ZNF773: variants seen among roughly 807,000 people sequenced by gnomAD.
The protein encoded by ZNF773 is zinc finger protein 419B.
Under a neutral mutation model 12.8 loss-of-function variants are expected in ZNF773, and 11 were observed. The observed-to-expected ratio is 0.86, with a 90% CI of 0.54 to 1.42. The LOEUF (loss-of-function observed/expected upper bound fraction) is 1.42, where lower values mean the gene tolerates loss of function less well. ZNF773 is among the 40% of genes most tolerant of loss of function. ZNF773 has a pLI of 0.00. For synonymous variants in ZNF773, 175 were observed against 178.4 expected (o/e 0.98, Z 0.15); for missense variants, 518 against 527.2 (o/e 0.98, Z 0.17).
chr19:57,503,467 G>A (rs1464137160), intron 1 of ZNF773, among the ~76,000 whole-genome samples: 1 of 151,998 alleles, frequency 6.6e-6, no homozygotes, highest in Non-Finnish European at 1.5e-5. Context: ...GACATGAGAT[G>A]GACATGAAGA....
At chr19:57,505,063 C>T in intron 2 of ZNF773, 1 of 706,558 alleles carries the variant, frequency 1.4e-6, no homozygotes, top group Non-Finnish European at 2.6e-6. Context: ...CCTGGTGACA[C>T]TGTGCAGATC....
At chr19:57,506,243 CT>C in intron 3 of ZNF773, 114 bp from the exon 4 acceptor site, 2 of 1,496,166 alleles carry the variant, frequency 1.3e-6, no homozygotes, top group Non-Finnish European at 1.8e-6. Flanking sequence ...CGCTAGCCCC[CT>C]CATTCTGCAA....
At chr19:57,504,574 G>A in intron 1 of ZNF773, 83 bp from the exon 2 acceptor site, 1 of 1,576,292 alleles carries the variant, frequency 6.3e-7, no homozygotes, top group South Asian at 1.2e-5. Flanking sequence ...TAAGGAAGAG[G>A]GTGAGCAGGG....
In ZNF773 at chr19:57,506,375, A is replaced by G. The variant is rs2089734062; in HGVS notation, c.280A>G (p.Lys94Glu). 2 of 1,609,704 alleles carry G rather than the reference A, an allele frequency of 1.2e-6. No individual in the cohort carries two copies. The highest frequency in any genetic ancestry group is 1.7e-6 in the Non-Finnish European group (2 of 1,178,532). ...TCTTTCAGGTAGTTGGCAAGGAGCC[A>G]AGGCTGAGGCAGCTGCTGAGCAGAG... ...AILRGSWQGA[K>E]AEAAAEQSAS... Residue 94 changes from lysine (K) to glutamate (E), a missense_variant, in exon 4 of 4, where the codon AAG becomes GAG. By Grantham distance (56) the Lys-to-Glu change is moderately conservative. Transcript: ENST00000282292.
At chr19:57,506,017 T>G (rs910074091) in intron 3 of ZNF773, among the ~76,000 whole-genome samples, 40 of 152,128 alleles carry the variant, frequency 2.6e-4, no homozygotes, top group African/African-American at 7.7e-4. Flanking sequence ...CCTGCAGTTG[T>G]TTTTTTCTGG....
Position 57,507,350 on chromosome 19 carries a change from G to T in ZNF773, c.1255G>T (p.Glu419Ter). 1 of 1,613,374 alleles carries T rather than the reference G, an allele frequency of 6.2e-7. No homozygotes were observed. Among genetic ancestry groups the T allele is most frequent in the Non-Finnish European group, 8.5e-7 (1 of 1,179,824 alleles). ...TGGAGCAAAGCCTTATGAGTGCAGG[G>T]AATGTGGGAAATTTTTTCGCCACAG... ...HTGAKPYECR[E>*]CGKFFRHSSS... Residue 419 changes from glutamate to a stop codon, truncating the protein, a stop_gained, in exon 4 of 4, where the codon GAA (glutamate) becomes TAA (stop). Coordinates refer to ENST00000282292, the MANE Select transcript of ZNF773 (RefSeq NM_198542.3). LOFTEE classifies it low-confidence loss of function (END_TRUNC).
In ZNF773 at chr19:57,507,807, T is replaced by G; in HGVS notation, c.*383T>G. ...GGTTAACACAATGAAACCACATCTCTACTAAAAATACAAAAATTTACTGGG... is the reference window on the plus strand; with the variant it reads ...GGTTAACACAATGAAACCACATCTCGACTAAAAATACAAAAATTTACTGGG... On this transcript the variant is annotated 3_prime_UTR_variant, in exon 4 of 4. Coordinates refer to ENST00000282292, the MANE Select transcript of ZNF773 (RefSeq NM_198542.3). 40 of 671,530 alleles carry G rather than the reference T, an allele frequency of 6.0e-5. No homozygotes were observed. Among genetic ancestry groups the G allele is most frequent in the Non-Finnish European group, 6.9e-5 (37 of 533,502 alleles). The allele number at this position is 671,530 out of a possible 1,614,324, so 41.6% of individuals were successfully genotyped here.
chr19:57,506,654 G>A lies in ZNF773; in HGVS notation c.559G>A (p.Gly187Arg). The change falls in exon 4 of 4, where the codon GGA becomes AGA. Residue 187 changes from glycine to arginine, a missense_variant. Transcript: ENST00000282292. ...SSKSREAFHA[G>R]KRHYKCSECG... ...CAAAAGTAGGGAGGCCTTTCATGCT[G>A]GAAAAAGGCATTACAAATGCAGTGA... The A allele has an allele frequency of 6.2e-7, 1 of 1,614,196 alleles. No homozygotes were observed. The highest frequency in any genetic ancestry group is 8.5e-7 in the Non-Finnish European group (1 of 1,180,032).
At chr19:57,503,213 A>C (rs2089689353) in intron 1 of ZNF773, among the ~76,000 whole-genome samples, 1 of 152,196 alleles carries the variant, frequency 6.6e-6, no homozygotes, top group African/African-American at 2.4e-5. Context: ...CCCACATGAT[A>C]CAGTTGGTGT....
At chr19:57,503,229 C>A (rs746994644) in intron 1 of ZNF773, among the ~76,000 whole-genome samples, 2 of 152,050 alleles carry the variant, frequency 1.3e-5, no homozygotes, top group Admixed American at 6.5e-5. Context: ...GGTGTATGGA[C>A]CAAATGGAGC....
rs1341094847 is a variant in ZNF773 at position 57,505,504 on chromosome 19, T to G, written c.262+104T>G. 11 of 1,278,472 alleles carry G rather than the reference T, an allele frequency of 8.6e-6. No individual in the cohort carries two copies. The African/African-American group carries it at 1.0e-4, about 12-fold the overall frequency. 79.2% of individuals were successfully genotyped at this position (1,278,472 alleles called of 1,614,324 possible). A position where few individuals can be genotyped will look rare whatever the true frequency, so the allele number is the denominator to read the frequency against. ...CAGATATTTTGATACCAAGGCAAGG[T>G]GTCGTCGCTGATTTCTATCTTTTCT... On this transcript the variant is annotated intron_variant, in intron 3 of 3. Coordinates refer to ENST00000282292, the MANE Select transcript of ZNF773 (RefSeq NM_198542.3).
rs377534143 is a variant in ZNF773 at position 57,506,477 on chromosome 19, C to G, written c.382C>G (p.Gln128Glu). 1.6e-5 allele frequency: 26 copies of G among 1,614,084 alleles called. No individual in the cohort carries two copies. The highest frequency in any genetic ancestry group is 2.1e-5 in the Non-Finnish European group (25 of 1,180,046). Residue 128 changes from glutamine to glutamate, a missense_variant, in exon 4 of 4, where the codon CAA becomes GAA. Transcript: ENST00000282292. ...QHCGEKPLKR[Q>E]EGRVPVLRSC... The stretch of plus-strand genomic sequence containing the variant: ...CTGTGGAGAGAAACCCTTAAAAAGA[C>G]AAGAGGGCAGGGTCCCAGTTTTGAG...
chr19:57,500,215 G>A (rs2089653503), intron 1 of ZNF773, 102 bp downstream of exon 1: 21 of 1,419,020 alleles, frequency 1.5e-5, no homozygotes, highest in Non-Finnish European at 1.9e-5. Flanking sequence ...CGTGGGCGGC[G>A]TCCCGTTTCT....
At chr19:57,516,459 A>C (rs1240285427), downstream of ZNF773, 1 of 152,348 alleles carries the variant, frequency 6.6e-6, no homozygotes, top group Non-Finnish European at 1.5e-5. Context: ...GAGCATGGAC[A>C]CCAGGACCCC....
downstream of ZNF773, chr19:57,514,575 T>G (rs1337431767): frequency 1.3e-5 from 2 of 152,238 alleles, no homozygotes; most frequent in African/African-American, 4.8e-5. Context: ...AACAGGACTT[T>G]TAGGCCAATT....
Position 57,505,524 on chromosome 19 carries a change from T to A in ZNF773, c.262+124T>A, listed in dbSNP as rs2089720000. On this transcript the variant is annotated intron_variant, in intron 3 of 3. Transcript: ENST00000282292. ...CAAGGTGTCGTCGCTGATTTCTATC[T>A]TTTCTTCCTCAGTCACCCATTTATA... is the stretch of plus-strand genomic sequence containing the variant. 4.4e-6 allele frequency: 5 copies of A among 1,124,544 alleles called. No homozygotes were observed. The African/African-American group carries it at 6.1e-5, about 14-fold the overall frequency. The allele number at this position is 1,124,544 out of a possible 1,614,324, so 69.7% of individuals were successfully genotyped here. A position where few individuals can be genotyped will look rare whatever the true frequency, so the allele number is the denominator to read the frequency against.
At position 57,506,887 on chromosome 19, in the gene ZNF773, A is replaced by G; in HGVS notation, c.792A>G (p.Gln264=). 1.2e-6 allele frequency: 2 copies of G among 1,614,122 alleles called. No homozygotes were observed. Among genetic ancestry groups the G allele is most frequent in the Non-Finnish European group, 1.7e-6 (2 of 1,180,042 alleles). The stretch of plus-strand genomic sequence containing the variant: ...TTAGCCGTAATGCTGACCTCATTCA[A>G]CACCAGAGAGTTCACACTGGAGAAA... ...KSFSRNADLI[Q]HQRVHTGEKP... Residue 264 remains glutamine (Q), a synonymous_variant, in exon 4 of 4, where the codon CAA becomes CAG. Coordinates refer to ENST00000282292, the MANE Select transcript of ZNF773 (RefSeq NM_198542.3).
downstream of ZNF773, chr19:57,512,881 C>G: frequency 1.1e-6 from 1 of 887,352 alleles, no homozygotes; most frequent in Non-Finnish European, 1.6e-6. Context: ...TTACGTCTTC[C>G]TCTCTGTGGA....
In ZNF773 at chr19:57,508,038, G is replaced by A. The variant is rs2089762681; in HGVS notation, c.*614G>A. On this transcript the variant is annotated 3_prime_UTR_variant, in exon 4 of 4. Transcript: ENST00000282292. ...CAACTGTAGTCCCAGCTACTTGGGG[G>A]GCTGAGGCAGGAGATTTGCTTGAAC... The A allele has an allele frequency of 6.1e-6, 2 of 329,616 alleles. No individual in the cohort carries two copies. The highest frequency in any genetic ancestry group is 6.5e-5 in the Admixed American group (1 of 15,482). The allele number at this position is 329,616 out of a possible 1,614,324, so 20.4% of individuals were successfully genotyped here. A position where few individuals can be genotyped will look rare whatever the true frequency, so the allele number is the denominator to read the frequency against.
Sources: allele counts gnomAD v4.1 joint callset (sites outside exome capture counted in the v4.1 genomes callset), GRCh38; gene constraint gnomAD v4.1.1; transcripts MANE v1.5; gene names NCBI Gene and HGNC (gene_info 2026-07-23, HGNC 2026-07-21).